HDAC9: variants seen among roughly 807,000 people sequenced by gnomAD.
The protein encoded by HDAC9 is MEF-2 interacting transcription repressor (MITR) protein.
In HDAC9, 41 loss-of-function variants were observed where a neutral mutation model predicts 139.4. That is an observed-to-expected ratio of 0.29 (90% CI 0.23 to 0.38). The LOEUF (loss-of-function observed/expected upper bound fraction) is 0.38, where lower values mean the gene tolerates loss of function less well. Among genes scored for constraint, HDAC9 ranks in the 10% least tolerant of loss-of-function variants. HDAC9 has a pLI of 1.00. For synonymous variants in HDAC9, 517 were observed against 476.2 expected (o/e 1.09, Z -1.12); for missense variants, 1,147 against 1,297.0 (o/e 0.88, Z 1.78).
At position 18,120,165 on chromosome 7, in the gene HDAC9, G is replaced by C. The variant is rs144140734; in HGVS notation, c.-97+32952G>C. Among the ~76,000 whole-genome samples the C allele has an allele frequency of 3.2e-3, 485 of 152,222 alleles. 3 individuals carry two copies. Among genetic ancestry groups the C allele is most frequent in the Non-Finnish European group, 5.7e-3 (387 of 68,020 alleles). On this transcript the variant is annotated intron_variant, in intron 1 of 12. Transcript: ENST00000417496. ...TCCCTTGGGACATTTGGCAATGTCT[G>C]GAGACATCACAACAGAAGGGAGGAG...
At chr7:18,576,569 G>C (rs773451603) in intron 2 of HDAC9, among the ~76,000 whole-genome samples, 1 of 151,542 alleles carries the variant, frequency 6.6e-6, no homozygotes, top group African/African-American at 2.4e-5. Flanking sequence ...GGCTGATGCA[G>C]GAGAATGACT....
At chr7:18,962,308 T>G (rs1783577901) in intron 24 of HDAC9, among the ~76,000 whole-genome samples, 2 of 152,158 alleles carry the variant, frequency 1.3e-5, no homozygotes, top group African/African-American at 4.8e-5. Context: ...ATTTTCCCAC[T>G]ATTAACCCTG....
chr7:18,356,953 GC>G (rs1228701252), intron 1 of HDAC9, among the ~76,000 whole-genome samples: 1 of 152,102 alleles, frequency 6.6e-6, no homozygotes, highest in African/African-American at 2.4e-5. Flanking sequence ...TACAGTAGAA[GC>G]CAACAAATAA....
At chr7:18,931,582 A>G (rs1289056751) in intron 22 of HDAC9, among the ~76,000 whole-genome samples, 1 of 152,194 alleles carries the variant, frequency 6.6e-6, no homozygotes, top group Non-Finnish European at 1.5e-5. Flanking sequence ...CATCCTGTTC[A>G]TGGTGAACAT....
chr7:18,239,579 T>C (rs1379858447), intron 2 of HDAC9, among the ~76,000 whole-genome samples: 2 of 152,222 alleles, frequency 1.3e-5, no homozygotes, highest in South Asian at 2.1e-4. Context: ...TGCATTCTTT[T>C]CAAGTGGCAA....
chr7:18,795,338 T>C (rs966329522), intron 17 of HDAC9, among the ~76,000 whole-genome samples: 1 of 148,380 alleles, frequency 6.7e-6, no homozygotes, highest in African/African-American at 2.5e-5. Context: ...ACCACTTGCA[T>C]AGTGTGTCAT....
At chr7:18,724,310 C>A (rs1218974261) in intron 12 of HDAC9, among the ~76,000 whole-genome samples, 1 of 152,082 alleles carries the variant, frequency 6.6e-6, no homozygotes, top group African/African-American at 2.4e-5. Context: ...GTACCTAGGC[C>A]ATATATGATA....
chr7:18,138,526 A>T (rs80185657), intron 1 of HDAC9, among the ~76,000 whole-genome samples: 2 of 89,666 alleles, frequency 2.2e-5, no homozygotes, highest in Non-Finnish European at 4.5e-5. Context: ...AGAGAGAGAG[A>T]GGTGTGTGTG....
rs181997806 is a variant in HDAC9, at chr7:18,483,970, T to C, written c.-41-12292T>C. Among the ~76,000 whole-genome samples, 486 of 152,162 alleles carry C rather than the reference T, an allele frequency of 3.2e-3. 6 individuals carry two copies. The highest frequency in any genetic ancestry group is 0.011 in the African/African-American group (455 of 41,518). ...CTACTATGTAATGATCTACACAGTT[T>C]TGAGATGTTACAATAATTCATGATT... is the stretch of plus-strand genomic sequence containing the variant. On this transcript the variant is annotated intron_variant, in intron 1 of 3. Coordinates refer to the HDAC9 transcript ENST00000413509.
intron 1 of HDAC9, among the ~76,000 whole-genome samples, chr7:18,471,878 A>G (rs921121873): frequency 2.6e-5 from 4 of 152,170 alleles, no homozygotes; most frequent in Admixed American, 2.6e-4. Context: ...AGATGCAACT[A>G]GTTTAGATAT....
chr7:18,824,051 GAAGAAGAA>G (rs1562966422), intron 17 of HDAC9, among the ~76,000 whole-genome samples: 4 of 143,752 alleles, frequency 2.8e-5, no homozygotes, highest in Non-Finnish European at 3.0e-5. Context: ...AGAGGAAGAA[GAAGAAGAA>G]GAAGAAGAAG....
intron 1 of HDAC9, among the ~76,000 whole-genome samples, chr7:18,138,201 TC>T (rs747195601): frequency 2.8e-4 from 42 of 152,306 alleles, no homozygotes; most frequent in Middle Eastern, 6.8e-3. Flanking sequence ...TCTCTTTTTT[TC>T]TTTATTAGTC....
In HDAC9 at chr7:18,965,304, AG is replaced by A. The variant is rs141696244; in HGVS notation, c.3023-10500del. On this transcript the variant is annotated intron_variant, in intron 24 of 25. Coordinates refer to ENST00000686413, the MANE Select transcript of HDAC9 (RefSeq NM_178425.4). The stretch of plus-strand genomic sequence containing the variant: ...TCAATAAAAGTTAATTTTCAAAAAA[AG>A]GTTGGTTTCTAATGCAACATTCAAT... Among the ~76,000 whole-genome samples the A allele has an allele frequency of 2.6e-3, 400 of 152,338 alleles. 2 individuals carry two copies. Among genetic ancestry groups the A allele is most frequent in the African/African-American group, 9.2e-3 (383 of 41,576 alleles).
intron 11 of HDAC9, among the ~76,000 whole-genome samples, chr7:18,649,065 G>A (rs1023099216): frequency 6.6e-6 from 1 of 152,140 alleles, no homozygotes; most frequent in South Asian, 2.1e-4. Context: ...ATGACAGATA[G>A]GCCAAGATTA....
intron 2 of HDAC9, among the ~76,000 whole-genome samples, chr7:18,580,647 G>A (rs896637006): frequency 5.3e-5 from 8 of 152,152 alleles, no homozygotes; most frequent in East Asian, 1.9e-4. Flanking sequence ...AGATTCCTTC[G>A]AAAATAACAT....
At chr7:18,703,740 C>T (rs2129106533) in intron 12 of HDAC9, among the ~76,000 whole-genome samples, 1 of 151,368 alleles carries the variant, frequency 6.6e-6, no homozygotes. Flanking sequence ...TCCCCCTCTC[C>T]TTCCAGAAAT....
intron 1 of HDAC9, among the ~76,000 whole-genome samples, chr7:18,114,563 C>G (rs1435077064): frequency 1.3e-5 from 2 of 152,194 alleles, no homozygotes; most frequent in African/African-American, 2.4e-5. Flanking sequence ...TCCATCTAGA[C>G]TATTTTTAAT....
intron 11 of HDAC9, among the ~76,000 whole-genome samples, chr7:18,650,618 G>C (rs916395244): frequency 6.6e-6 from 1 of 152,118 alleles, no homozygotes; most frequent in South Asian, 2.1e-4. Flanking sequence ...TGAAAAGCAG[G>C]CATTTGCATT....
chr7:18,843,303 A>C lies in HDAC9; in HGVS notation c.2684+7306A>C, dbSNP rs575852958. Among the ~76,000 whole-genome samples, 22 of 152,260 alleles carry C rather than the reference A, an allele frequency of 1.4e-4. No homozygotes were observed. In the East Asian group the frequency reaches 3.9e-3, roughly 27 times the overall value. ...CTCTCAATGTATGTGTAATACTTTGAAATATCAGGAAATGAAATCTTTTTA... is the reference window on the plus strand; with the variant it reads ...CTCTCAATGTATGTGTAATACTTTGCAATATCAGGAAATGAAATCTTTTTA... On this transcript the variant is annotated intron_variant, in intron 21 of 25. Coordinates refer to ENST00000686413, the MANE Select transcript of HDAC9 (RefSeq NM_178425.4).
Sources: gnomAD v4.1 joint callset for allele counts (sites outside exome capture counted in the v4.1 genomes callset) on GRCh38, gnomAD v4.1.1 for gene constraint, MANE v1.5 for transcripts, NCBI Gene and HGNC (gene_info 2026-07-23, HGNC 2026-07-21) for gene names.